Variants in EMCN observed in about 807,000 individuals in gnomAD.
The protein encoded by EMCN is MUC-14.
In EMCN, 37 loss-of-function variants were observed where a neutral mutation model predicts 38.4. The ratio of observed to expected loss-of-function variants is 0.96; its 90% CI spans 0.74 to 1.27. EMCN has a LOEUF of 1.27. Among genes scored for constraint, EMCN ranks in the 50% most tolerant of loss-of-function variants. The pLI, the probability that EMCN is intolerant of heterozygous loss-of-function variation, is 0.00. For synonymous variants in EMCN, 95 were observed against 100.8 expected (o/e 0.94, Z 0.35); for missense variants, 318 against 302.8 (o/e 1.05, Z -0.37).
chr4:100,445,359 G>T (rs1578199211), intron 5 of EMCN, among the ~76,000 whole-genome samples: 1 of 151,970 alleles, frequency 6.6e-6, no homozygotes, highest in Non-Finnish European at 1.5e-5. Context: ...TCCCAAAAAG[G>T]TTCTACATAA....
chr4:100,512,925 G>A (rs1729665938), intron 1 of EMCN, among the ~76,000 whole-genome samples: 1 of 152,040 alleles, frequency 6.6e-6, no homozygotes, highest in South Asian at 2.1e-4. Flanking sequence ...AAGAATGTGA[G>A]TAACTTGAAT....
intron 5 of EMCN, among the ~76,000 whole-genome samples, chr4:100,425,149 GCACACACACACA>G (rs57293882): frequency 1.4e-5 from 2 of 141,140 alleles, no homozygotes; most frequent in Admixed American, 7.1e-5. Flanking sequence ...TCTGAATCCA[GCACACACACACA>G]CACACACACA....
intron 2 of EMCN, among the ~76,000 whole-genome samples, chr4:100,479,347 T>C (rs1313167167): frequency 6.6e-6 from 1 of 152,144 alleles, no homozygotes; most frequent in Non-Finnish European, 1.5e-5. Context: ...GCAGTATGCA[T>C]TGCATTGATA....
intron 1 of EMCN, among the ~76,000 whole-genome samples, chr4:100,513,759 C>A (rs1173927855): frequency 6.6e-6 from 1 of 152,046 alleles, no homozygotes; most frequent in East Asian, 1.9e-4. Flanking sequence ...AGATAGTAAA[C>A]TATTAGGTGA....
intron 1 of EMCN, among the ~76,000 whole-genome samples, chr4:100,506,516 G>A (rs2055410): frequency 0.62 from 94,175 of 151,750 alleles, 29,645 homozygotes; most frequent in East Asian, 0.78. Context: ...TTAAAGGGGT[G>A]CTTATTACTC....
chr4:100,421,270 ACT>A lies in EMCN; in HGVS notation c.664+10_664+11del. ...TTCTTTCAGGAAAACAAAACAAAAC[ACT>A]GTTACCTACCCGGATCTGCCTTCCA... is the stretch of plus-strand genomic sequence containing the variant. On this transcript the variant is annotated intron_variant, in intron 8 of 11. Transcript: ENST00000296420. 6.2e-7 allele frequency: 1 copy of A among 1,609,270 alleles called. No homozygotes were observed. The highest frequency in any genetic ancestry group is 8.5e-7 in the Non-Finnish European group (1 of 1,176,176).
At position 100,475,051 on chromosome 4, in the gene EMCN, T is replaced by C; in HGVS notation, c.246A>G (p.Thr82=). 3.9e-6 allele frequency: 6 copies of C among 1,530,464 alleles called. No individual in the cohort carries two copies. The South Asian group carries it at 6.5e-5, about 17-fold the overall frequency. 94.8% of individuals were successfully genotyped at this position (1,530,464 alleles called of 1,614,324 possible). A position where few individuals can be genotyped will look rare whatever the true frequency, so the allele number is the denominator to read the frequency against. Reference sequence around the variant, plus strand: ...ATCATTACTCACCTTCATCTTTACTTGTTAAAAAAGTAGCTGTTGACATCA... The same window carrying C: ...ATCATTACTCACCTTCATCTTTACTCGTTAAAAAAGTAGCTGTTGACATCA... ...MSLMSTATFL[T]SKDEGLKATT... is the part of the protein sequence containing the mutation. The change falls in exon 3 of 12, where the codon ACA becomes ACG. Residue 82 remains threonine (T), a synonymous_variant. Coordinates refer to ENST00000296420, the MANE Select transcript of EMCN (RefSeq NM_016242.4).
intron 4 of EMCN, among the ~76,000 whole-genome samples, chr4:100,449,174 C>T (rs1202516264): frequency 6.6e-6 from 1 of 151,992 alleles, no homozygotes; most frequent in Non-Finnish European, 1.5e-5. Context: ...ATTCTACCTA[C>T]CTGATTTCAA....
intron 1 of EMCN, among the ~76,000 whole-genome samples, chr4:100,500,264 A>G (rs1361940883): frequency 2.0e-5 from 3 of 152,162 alleles, no homozygotes; most frequent in African/African-American, 4.8e-5. Flanking sequence ...TCTTTCCCCA[A>G]TAAGACTTTT....
intron 1 of EMCN, among the ~76,000 whole-genome samples, chr4:100,509,934 A>G (rs1326609549): frequency 2.0e-5 from 3 of 152,156 alleles, no homozygotes; most frequent in African/African-American, 7.2e-5. Flanking sequence ...TATGATGTGC[A>G]CAGTATCTAA....
At position 100,413,653 on chromosome 4, in the gene EMCN, G is replaced by C. The variant is rs572272749; in HGVS notation, c.751+2245C>G. 1.1e-4 allele frequency among the ~76,000 whole-genome samples: 17 copies of C among 152,276 alleles called. No homozygotes were observed. In the South Asian group the frequency reaches 3.3e-3, roughly 30 times the overall value. ...AGATGATAAATTCTGGGCTACTGAA[G>C]TCTACTCTGAATCATCAATTTCAGT... On this transcript the variant is annotated intron_variant, in intron 10 of 11. Transcript: ENST00000296420.
intron 3 of EMCN, among the ~76,000 whole-genome samples, chr4:100,473,661 C>T (rs928282919): frequency 1.3e-5 from 2 of 151,968 alleles, no homozygotes; most frequent in African/African-American, 2.4e-5. Flanking sequence ...CCACAATGAC[C>T]ATTTGAGAGC....
rs114034089 is a variant in EMCN at position 100,405,163 on chromosome 4, C to T, written c.*39+5119G>A. Among the ~76,000 whole-genome samples, 556 of 151,984 alleles carry T rather than the reference C, an allele frequency of 3.7e-3. 7 individuals are homozygous for T. Among genetic ancestry groups the T allele is most frequent in the African/African-American group, 0.013 (525 of 41,522 alleles). On this transcript the variant is annotated intron_variant, in intron 11 of 11. Transcript: ENST00000296420. The stretch of plus-strand genomic sequence containing the variant: ...TATAGAAACATATAATCTATGAAGA[C>T]AGATCGTTTAACTTCTTCTCTTCAT...
rs181935914 is a variant in EMCN at position 100,441,974 on chromosome 4, G to C, written c.415+5559C>G. On this transcript the variant is annotated intron_variant, in intron 5 of 11. Transcript: ENST00000296420. ...ATTTTACTATGTATTTACCTCTTCA[G>C]TGAGTTTATACTTTATAGATATGTC... Among the ~76,000 whole-genome samples, 685 of 152,246 alleles carry C rather than the reference G, an allele frequency of 4.5e-3. 4 individuals are homozygous for C. Among genetic ancestry groups the C allele is most frequent in the African/African-American group, 0.016 (658 of 41,542 alleles).
intron 5 of EMCN, chr4:100,446,168 C>T: frequency 1.0e-6 from 1 of 985,360 alleles, no homozygotes; most frequent in African/African-American, 1.7e-5. Flanking sequence ...CTTCCCAGAA[C>T]TGCATCAGTC....
At chr4:100,496,492 T>A (rs987488817) in intron 1 of EMCN, among the ~76,000 whole-genome samples, 1 of 152,204 alleles carries the variant, frequency 6.6e-6, no homozygotes, top group African/African-American at 2.4e-5. Flanking sequence ...TATTATTTTC[T>A]TACTCTTTTT....
chr4:100,508,994 G>A (rs1016052483), intron 1 of EMCN, among the ~76,000 whole-genome samples: 3 of 152,132 alleles, frequency 2.0e-5, no homozygotes, highest in Non-Finnish European at 4.4e-5. Context: ...TTGCCCTCAA[G>A]TAACTGAAAA....
At chr4:100,456,867 A>G (rs1394438829) in intron 4 of EMCN, among the ~76,000 whole-genome samples, 1 of 152,168 alleles carries the variant, frequency 6.6e-6, no homozygotes, top group Non-Finnish European at 1.5e-5. Flanking sequence ...ATATTGATTT[A>G]TGCTACATCA....
intron 5 of EMCN, among the ~76,000 whole-genome samples, chr4:100,433,666 G>A (rs1190514465): frequency 2.0e-5 from 3 of 151,866 alleles, no homozygotes; most frequent in African/African-American, 7.3e-5. Context: ...CTCTTCAGTA[G>A]CTAGGATTAC....
Sources: allele counts gnomAD v4.1 joint callset (sites outside exome capture counted in the v4.1 genomes callset), GRCh38; gene constraint gnomAD v4.1.1; transcripts MANE v1.5; gene names NCBI Gene and HGNC (gene_info 2026-07-23, HGNC 2026-07-21).